Variants in TENM1 observed in about 807,000 individuals in gnomAD.
TENM1 encodes teneurin-1.
TENM1 carries 35 observed loss-of-function variants against 174.8 expected under a neutral mutation model. The observed-to-expected ratio is 0.20, with a 90% CI of 0.15 to 0.27. The LOEUF (loss-of-function observed/expected upper bound fraction) is 0.27, where lower values mean the gene tolerates loss of function less well. Among genes scored for constraint, TENM1 ranks in the 10% least tolerant of loss-of-function variants. The pLI is 1.00. For synonymous variants in TENM1, 781 were observed against 798.7 expected (o/e 0.98, Z 0.37); for missense variants, 1,633 against 2,130.1 (o/e 0.77, Z 4.59).
the TENM1 span, among the ~76,000 whole-genome samples, chrX:125,124,916 TAA>T: frequency 8.9e-6 from 1 of 112,110 alleles, no homozygotes; most frequent in East Asian, 2.8e-4. Flanking sequence ...TGTCCTTGCA[TAA>T]AAGTGTTACT....
At chrX:125,194,981 G>A in the TENM1 span, among the ~76,000 whole-genome samples, 1 of 112,274 alleles carries the variant, frequency 8.9e-6, no homozygotes, top group African/African-American at 3.2e-5. Context: ...TATGACCGGA[G>A]TATGCTTATA....
At chrX:124,765,270 T>A (rs984237276) in intron 3 of TENM1, among the ~76,000 whole-genome samples, 3 of 112,206 alleles carry the variant, frequency 2.7e-5, no homozygotes, top group African/African-American at 6.5e-5. Context: ...TGCACGCTTA[T>A]AATAAATCCT....
chrX:124,829,983 C>T (rs2056253533), intron 3 of TENM1, among the ~76,000 whole-genome samples: 2 of 112,285 alleles, frequency 1.8e-5, no homozygotes, highest in Admixed American at 9.5e-5. Context: ...ATAGTACTAT[C>T]GGTGGCACTT....
the TENM1 span, among the ~76,000 whole-genome samples, chrX:125,144,447 T>C: frequency 0.12 from 12,801 of 111,101 alleles, 620 homozygotes; most frequent in Middle Eastern, 0.16. Flanking sequence ...AATTAGGCAG[T>C]GATGAGGGAG....
chrX:124,756,442 C>A (rs1409916521), intron 3 of TENM1, among the ~76,000 whole-genome samples: 1 of 107,810 alleles, frequency 9.3e-6, no homozygotes, highest in African/African-American at 3.5e-5. Flanking sequence ...TGAATTTCCT[C>A]CTGTAGCTCG....
chrX:124,398,085 G>A (rs945519649), intron 27 of TENM1, among the ~76,000 whole-genome samples: 4 of 108,975 alleles, frequency 3.7e-5, no homozygotes, highest in Non-Finnish European at 5.7e-5. Flanking sequence ...AAAATTAGCC[G>A]GGCGTGGTGG....
intron 15 of TENM1, among the ~76,000 whole-genome samples, chrX:124,531,160 G>A (rs1285854398): frequency 2.0e-5 from 2 of 99,477 alleles, no homozygotes; most frequent in African/African-American, 7.4e-5. Context: ...TTAACCAAGT[G>A]GGATTCTGGG....
the TENM1 span, among the ~76,000 whole-genome samples, chrX:124,996,682 T>C: frequency 1.8e-5 from 2 of 110,771 alleles, no homozygotes; most frequent in African/African-American, 6.5e-5. Flanking sequence ...TGGTAGGCAA[T>C]ATATACTCAT....
intron 3 of TENM1, among the ~76,000 whole-genome samples, chrX:124,852,473 G>A (rs184360962): frequency 9.0e-6 from 1 of 110,840 alleles, no homozygotes; most frequent in Admixed American, 9.6e-5. Context: ...TTGGAGGCAG[G>A]GGAGAAGAAG....
At chrX:124,885,761 T>G (rs1302992109) in intron 3 of TENM1, among the ~76,000 whole-genome samples, 1 of 111,454 alleles carries the variant, frequency 9.0e-6, no homozygotes, top group Admixed American at 9.6e-5. Flanking sequence ...AAAAAACTAC[T>G]GAAAAGATAG....
At chrX:125,067,770 C>G in the TENM1 span, among the ~76,000 whole-genome samples, 1 of 112,176 alleles carries the variant, frequency 8.9e-6, no homozygotes, top group Non-Finnish European at 1.9e-5. Flanking sequence ...CTTTTGTTTT[C>G]AAACTTTTAC....
exon 11 of TENM1, chrX:124,641,865 C>G: frequency 7.4e-6 from 9 of 1,211,567 alleles, no homozygotes; most frequent in Non-Finnish European, 1.0e-5. Context: ...AGTTCCGTGT[C>G]CTGAGCACTG....
intron 26 of TENM1, 51 bp from the exon 30 acceptor site, chrX:124,405,317 G>T: frequency 3.8e-6 from 4 of 1,065,465 alleles, no homozygotes; most frequent in Non-Finnish European, 5.2e-6. Context: ...GGAAGAGCAG[G>T]AAGCAGAAAA....
At chrX:124,400,038 A>G (rs922085452) in intron 27 of TENM1, among the ~76,000 whole-genome samples, 6 of 111,601 alleles carry the variant, frequency 5.4e-5, no homozygotes, top group African/African-American at 2.0e-4. Context: ...CCAAAAATCA[A>G]TACTGCCCAG....
intron 3 of TENM1, among the ~76,000 whole-genome samples, chrX:124,798,847 C>G (rs990317482): frequency 9.0e-6 from 1 of 111,632 alleles, no homozygotes; most frequent in Admixed American, 9.5e-5. Context: ...CTTTAATCCA[C>G]TTTGAATTAA....
chrX:124,994,234 TTTTTG>T, the TENM1 span, among the ~76,000 whole-genome samples: 2 of 91,186 alleles, frequency 2.2e-5, no homozygotes, highest in Non-Finnish European at 4.3e-5. Flanking sequence ...TTTTTTTTTT[TTTTTG>T]GCAATTGACC....
the TENM1 span, among the ~76,000 whole-genome samples, chrX:125,116,772 G>T: frequency 1.8e-5 from 2 of 112,126 alleles, no homozygotes; most frequent in Admixed American, 1.9e-4. Context: ...AGCACTCTGG[G>T]AGGCCAATGC....
intron 6 of TENM1, among the ~76,000 whole-genome samples, chrX:124,661,520 G>T (rs1390730664): frequency 9.0e-6 from 1 of 111,565 alleles, no homozygotes; most frequent in East Asian, 2.8e-4. Flanking sequence ...ACACATCAGG[G>T]ATGCCCATTT....
intron 14 of TENM1, among the ~76,000 whole-genome samples, chrX:124,552,138 C>T (rs1042617085): frequency 1.8e-5 from 2 of 111,976 alleles, no homozygotes; most frequent in Non-Finnish European, 3.8e-5. Context: ...TAAGCTTAAG[C>T]TTTTCAGCAT....
Sources: gnomAD v4.1 joint callset for allele counts (sites outside exome capture counted in the v4.1 genomes callset) on GRCh38, gnomAD v4.1.1 for gene constraint, MANE v1.5 for transcripts, NCBI Gene and HGNC (gene_info 2026-07-23, HGNC 2026-07-21) for gene names.